Variants in RSPH9 observed in about 807,000 individuals in gnomAD.
RSPH9 encodes the protein radial spoke head component 9, also known as radial spoke head protein 9 homolog.
A neutral mutation model predicts 27.0 loss-of-function variants in RSPH9; 27 were observed. The observed-to-expected ratio is 1.00, with a 90% CI of 0.74 to 1.38. RSPH9 has a LOEUF of 1.38. RSPH9 is among the 40% of genes most tolerant of loss of function. The pLI is 0.00. For synonymous variants in RSPH9, 145 were observed against 147.7 expected, an observed-to-expected ratio of 0.98 and a Z score of 0.13; for missense variants, 347 against 357.4, an observed-to-expected ratio of 0.97 and a Z score of 0.24.
At chr6:43,651,533 ACTCTCT>A (rs914997831) in intron 2 of RSPH9, among the ~76,000 whole-genome samples, 1 of 151,646 alleles carries the variant, frequency 6.6e-6, no homozygotes, top group African/African-American at 2.4e-5. Flanking sequence ...GGGGACATTA[ACTCTCT>A]CTCTCTTTCT....
chr6:43,647,915 C>T (rs911817837), intron 1 of RSPH9, among the ~76,000 whole-genome samples: 8 of 152,108 alleles, frequency 5.3e-5, no homozygotes, highest in African/African-American at 1.9e-4. Context: ...GGAAGATAGA[C>T]AACAGCTGAA....
At chr6:43,648,829 T>C (rs1771147126) in intron 1 of RSPH9, among the ~76,000 whole-genome samples, 1 of 151,826 alleles carries the variant, frequency 6.6e-6, no homozygotes, top group African/African-American at 2.4e-5. Context: ...GTGGGAAAGA[T>C]TGCAAAAAGA....
chr6:43,666,836 C>A (rs1372294379), intron 4 of RSPH9, among the ~76,000 whole-genome samples: 1 of 152,164 alleles, frequency 6.6e-6, no homozygotes, highest in Non-Finnish European at 1.5e-5. Flanking sequence ...CAACCTCTGC[C>A]TCCTGGGTTC....
intron 2 of RSPH9, among the ~76,000 whole-genome samples, chr6:43,653,767 A>G (rs1771733334): frequency 6.6e-6 from 1 of 151,872 alleles, no homozygotes; most frequent in South Asian, 2.1e-4. Flanking sequence ...GTCTCGGCTC[A>G]CTGCAACCTC....
intron 2 of RSPH9, among the ~76,000 whole-genome samples, chr6:43,652,429 C>CTT (rs1178544653): frequency 2.8e-5 from 4 of 142,668 alleles, no homozygotes; most frequent in African/African-American, 7.7e-5. Context: ...CCTTCCCATT[C>CTT]TTTTTTTTTT....
At chr6:43,659,528 G>A (rs1013048760) in intron 4 of RSPH9, among the ~76,000 whole-genome samples, 2 of 151,286 alleles carry the variant, frequency 1.3e-5, no homozygotes, top group Non-Finnish European at 2.9e-5. Context: ...GACTACAGGC[G>A]CCCGCCGCCA....
Position 43,655,434 on chromosome 6 carries a change from G to C in RSPH9, c.394-128G>C. On this transcript the variant is annotated intron_variant, in intron 2 of 4. Transcript: ENST00000372163. ...GAAGGAAGGCGAGGGCCTGCCCAGCGTGATCTGTGTGGCTCTGGGGTCCAC... is the reference window on the plus strand; with the variant it reads ...GAAGGAAGGCGAGGGCCTGCCCAGCCTGATCTGTGTGGCTCTGGGGTCCAC... 3.1e-6 allele frequency: 3 copies of C among 979,252 alleles called. No homozygotes were observed. The East Asian group carries it at 7.2e-5, about 23-fold the overall frequency. The allele number at this position is 979,252 out of a possible 1,614,324, so 60.7% of individuals were successfully genotyped here. A position where few individuals can be genotyped will look rare whatever the true frequency, so the allele number is the denominator to read the frequency against.
intron 4 of RSPH9, among the ~76,000 whole-genome samples, chr6:43,662,019 T>C (rs1772681034): frequency 6.6e-6 from 1 of 152,060 alleles, no homozygotes; most frequent in South Asian, 2.1e-4. Flanking sequence ...TCCTGAGTAG[T>C]TGGGACTACA....
chr6:43,667,490 G>A (rs1379647381), intron 4 of RSPH9, among the ~76,000 whole-genome samples: 1 of 152,234 alleles, frequency 6.6e-6, no homozygotes, highest in Non-Finnish European at 1.5e-5. Flanking sequence ...ACCGGGAAGG[G>A]GGCGAGTGAG....
chr6:43,672,106 C>A lies in RSPH9; in HGVS notation c.*1157C>A, dbSNP rs925756457. ...AACAGATGGGCTGGGCTCTTGCTGC[C>A]GCAAGCCTGTGTGGCCAGGTTCAGG... On this transcript the variant is annotated 3_prime_UTR_variant, in exon 5 of 5. Coordinates refer to ENST00000372163, the MANE Select transcript of RSPH9 (RefSeq NM_152732.5). 1.5e-6 allele frequency: 1 copy of A among 657,626 alleles called. No individual in the cohort carries two copies. Among genetic ancestry groups the A allele is most frequent in the Non-Finnish European group, 2.6e-6 (1 of 389,862 alleles). 40.7% of individuals were successfully genotyped at this position (657,626 alleles called of 1,614,324 possible). A position where few individuals can be genotyped will look rare whatever the true frequency, so the allele number is the denominator to read the frequency against.
rs769699376 is a variant in RSPH9 at position 43,650,365 on chromosome 6, T to G, written c.228-10T>G. ...TTGGAATCCAGGGGTGATGTGAATA[T>G]TGTTGGCAGCCTGAACTGCACAGAG... On this transcript the variant is annotated splice_polypyrimidine_tract_variant and intron_variant, in intron 1 of 4. Transcript: ENST00000372163. 2 of 1,612,742 alleles carry G rather than the reference T, an allele frequency of 1.2e-6. No homozygotes were observed. The highest frequency in any genetic ancestry group is 2.2e-5 in the South Asian group (2 of 91,016).
chr6:43,659,528 G>C (rs1013048760), intron 4 of RSPH9, among the ~76,000 whole-genome samples: 1 of 151,286 alleles, frequency 6.6e-6, no homozygotes, highest in East Asian at 2.0e-4. Flanking sequence ...GACTACAGGC[G>C]CCCGCCGCCA....
intron 4 of RSPH9, among the ~76,000 whole-genome samples, chr6:43,664,086 T>C (rs1772900544): frequency 6.6e-6 from 1 of 150,782 alleles, no homozygotes; most frequent in African/African-American, 2.4e-5. Flanking sequence ...GACACAGAGA[T>C]ACAAAGTGAG....
At chr6:43,652,096 G>C (rs1047778388) in intron 2 of RSPH9, among the ~76,000 whole-genome samples, 2 of 151,486 alleles carry the variant, frequency 1.3e-5, no homozygotes, top group African/African-American at 4.8e-5. Context: ...CACGACGTCA[G>C]GAGATTGAGA....
chr6:43,653,786 G>A (rs1364030541), intron 2 of RSPH9, among the ~76,000 whole-genome samples: 2 of 152,022 alleles, frequency 1.3e-5, no homozygotes, highest in African/African-American at 4.8e-5. Context: ...TCCGCCTCCC[G>A]GATTCAAGTG....
chr6:43,666,996 A>T (rs575821381), intron 4 of RSPH9, among the ~76,000 whole-genome samples: 4 of 152,066 alleles, frequency 2.6e-5, no homozygotes, highest in Non-Finnish European at 5.9e-5. Flanking sequence ...TGCCCACCTC[A>T]GCCTCCCAAA....
At chr6:43,657,259 C>T (rs1243253327) in intron 4 of RSPH9, among the ~76,000 whole-genome samples, 8 of 152,226 alleles carry the variant, frequency 5.3e-5, no homozygotes, top group African/African-American at 1.7e-4. Context: ...ACTTCTTTCT[C>T]TTCCCTTGTT....
Position 43,645,083 on chromosome 6 carries a change from C to G in RSPH9, c.-16C>G, listed in dbSNP as rs964474471. ...TCCTAGCAACTCGACGGGCGTTGAG[C>G]GGAGCCGCTGACCTGATGGACGCCG... On this transcript the variant is annotated 5_prime_UTR_variant, in exon 1 of 5. Coordinates refer to ENST00000372163, the MANE Select transcript of RSPH9 (RefSeq NM_152732.5). 1 of 1,606,244 alleles carries G rather than the reference C, an allele frequency of 6.2e-7. No homozygotes were observed. Among genetic ancestry groups the G allele is most frequent in the Non-Finnish European group, 8.5e-7 (1 of 1,177,780 alleles).
At chr6:43,659,852 C>T (rs1316662753) in intron 4 of RSPH9, among the ~76,000 whole-genome samples, 1 of 152,038 alleles carries the variant, frequency 6.6e-6, no homozygotes, top group African/African-American at 2.4e-5. Context: ...CCTGCCTCAG[C>T]CTCCTGAGTA....
Sources: gnomAD v4.1 joint callset for allele counts (sites outside exome capture counted in the v4.1 genomes callset) on GRCh38, gnomAD v4.1.1 for gene constraint, MANE v1.5 for transcripts, NCBI Gene and HGNC (gene_info 2026-07-23, HGNC 2026-07-21) for gene names.